Variants in CETP observed in about 807,000 individuals in gnomAD.
CETP encodes cholesteryl ester transfer protein.
Under a neutral mutation model 66.5 loss-of-function variants are expected in CETP, and 56 were observed. The ratio of observed to expected loss-of-function variants is 0.84; its 90% CI spans 0.68 to 1.05. The LOEUF (loss-of-function observed/expected upper bound fraction) is 1.05. CETP is among the 50% of genes least tolerant of loss of function. CETP has a pLI of 0.00. For synonymous variants in CETP, 251 were observed against 245.7 expected, an observed-to-expected ratio of 1.02 and a Z score of -0.20; for missense variants, 612 against 609.6, an observed-to-expected ratio of 1.00 and a Z score of -0.04.
chr16:56,963,121 A>C lies in CETP; in HGVS notation c.230A>C (p.His77Pro). 6.2e-7 allele frequency: 1 copy of C among 1,613,580 alleles called. No individual in the cohort carries two copies. Among genetic ancestry groups the C allele is most frequent in the Non-Finnish European group, 8.5e-7 (1 of 1,179,544 alleles). Residue 77 changes from histidine (H) to proline (P), a missense_variant, in exon 2 of 16, where the codon CAC (histidine) becomes CCC (proline). His to Pro is a moderately conservative substitution (Grantham distance 77). Transcript: ENST00000200676. ...MLLGQVKYGLHNIQISHLSIA... is the reference protein window; with the variant it reads ...MLLGQVKYGLPNIQISHLSIA... ...CTTGGCCAAGTCAAGTATGGGTTGCACAAGTGAGTCGGGCCTCGGGTGTGA... is the reference window on the plus strand; with the variant it reads ...CTTGGCCAAGTCAAGTATGGGTTGCCCAAGTGAGTCGGGCCTCGGGTGTGA...
intron 2 of CETP, among the ~76,000 whole-genome samples, chr16:56,966,852 T>G (rs928162169): frequency 6.0e-5 from 9 of 151,204 alleles, no homozygotes; most frequent in African/African-American, 2.2e-4. Flanking sequence ...TGACCTCAGA[T>G]GATCCACCTG....
chr16:56,963,606 G>T (rs1438967844), intron 2 of CETP, among the ~76,000 whole-genome samples: 1 of 152,070 alleles, frequency 6.6e-6, no homozygotes, highest in African/African-American at 2.4e-5. Flanking sequence ...AACAGTCAAG[G>T]GTCGGTTGTG....
At chr16:56,969,806 C>T in intron 4 of CETP, 108 bp from the exon 5 acceptor site, 2 of 1,537,548 alleles carry the variant, frequency 1.3e-6, no homozygotes, top group Admixed American at 1.8e-5. Flanking sequence ...GGGAAGTTTG[C>T]AGGGGTGGGG....
At chr16:56,969,001 G>A (rs1411085482) in intron 2 of CETP, among the ~76,000 whole-genome samples, 2 of 151,366 alleles carry the variant, frequency 1.3e-5, no homozygotes, top group African/African-American at 2.4e-5. Context: ...CTGTGAGCAC[G>A]GTTCCCTCCA....
At chr16:56,969,590 T>C (rs77315336) in intron 3 of CETP, 21 bp from the exon 4 acceptor site, 212 of 1,614,222 alleles carry the variant, frequency 1.3e-4, no homozygotes, top group Non-Finnish European at 1.7e-4. Flanking sequence ...ATGAGGGTCC[T>C]GGGTCCTTGG....
chr16:56,964,250 C>T (rs917692740), intron 2 of CETP, among the ~76,000 whole-genome samples: 1 of 152,124 alleles, frequency 6.6e-6, no homozygotes, highest in Non-Finnish European at 1.5e-5. Flanking sequence ...TGGTCTTAAA[C>T]TCCTGACCTC....
At chr16:56,968,889 T>C (rs1266025712) in intron 2 of CETP, among the ~76,000 whole-genome samples, 1 of 152,206 alleles carries the variant, frequency 6.6e-6, no homozygotes, top group Non-Finnish European at 1.5e-5. Flanking sequence ...GCTTTGGGCT[T>C]AGTTTGCCCT....
At chr16:56,966,593 T>G (rs544648369) in intron 2 of CETP, among the ~76,000 whole-genome samples, 1 of 152,066 alleles carries the variant, frequency 6.6e-6, no homozygotes, top group East Asian at 1.9e-4. Context: ...GTTTGTGGGT[T>G]TTTTTGTTTT....
chr16:56,976,652 ACT>A (rs1269177393), intron 10 of CETP, among the ~76,000 whole-genome samples: 3 of 146,502 alleles, frequency 2.0e-5, no homozygotes, highest in African/African-American at 7.6e-5. Context: ...TTTCTTCATC[ACT>A]CTCTCTTCCA....
At chr16:56,971,544 T>A (rs1315178432) in intron 7 of CETP, among the ~76,000 whole-genome samples, 163 bp downstream of exon 7, 2 of 152,208 alleles carry the variant, frequency 1.3e-5, no homozygotes, top group African/African-American at 4.8e-5. Flanking sequence ...CTTTGGCAAA[T>A]CTCTGCCCCT....
intron 15 of CETP, 86 bp downstream of exon 15, chr16:56,983,497 GAGAC>G (rs1437899222): frequency 4.4e-6 from 7 of 1,593,216 alleles, no homozygotes; most frequent in African/African-American, 2.7e-5. Flanking sequence ...GGCTGTTGGG[GAGAC>G]AGACAGAGGG....
intron 13 of CETP, among the ~76,000 whole-genome samples, chr16:56,981,915 C>A (rs1417316048): frequency 6.6e-6 from 1 of 152,200 alleles, no homozygotes; most frequent in Non-Finnish European, 1.5e-5. Context: ...CAGAACAGTA[C>A]TGGCCAAGCA....
intron 14 of CETP, among the ~76,000 whole-genome samples, chr16:56,982,871 T>C (rs2056198943): frequency 6.6e-6 from 1 of 152,048 alleles, no homozygotes. Flanking sequence ...CCTAGTGGGG[T>C]GTCTTGGCAT....
intron 9 of CETP, among the ~76,000 whole-genome samples, chr16:56,973,956 A>G (rs1320872915): frequency 6.6e-6 from 1 of 152,216 alleles, no homozygotes; most frequent in African/African-American, 2.4e-5. Context: ...AGAACAGGAC[A>G]GGGATTTTTA....
chr16:56,970,094 T>C, intron 5 of CETP, 93 bp downstream of exon 5: 3 of 1,249,586 alleles, frequency 2.4e-6, no homozygotes, highest in South Asian at 1.3e-5. Flanking sequence ...ACACAGGGCA[T>C]GCTTGTGGGT....
chr16:56,973,128 C>T lies in CETP; in HGVS notation c.751-203C>T, dbSNP rs187468344. Among the ~76,000 whole-genome samples, 804 of 152,330 alleles carry T rather than the reference C, an allele frequency of 5.3e-3. 4 individuals carry two copies. Among genetic ancestry groups the T allele is most frequent in the Middle Eastern group, 0.01 (3 of 294 alleles). On this transcript the variant is annotated intron_variant, in intron 8 of 15. Coordinates refer to ENST00000200676, the MANE Select transcript of CETP (RefSeq NM_000078.3). ...CCACGTCTGTCTGGTTCACTTCCCACGGTGGTTGAGACATAGTGGGCACTC... is the reference window on the plus strand; with the variant it reads ...CCACGTCTGTCTGGTTCACTTCCCATGGTGGTTGAGACATAGTGGGCACTC...
intron 2 of CETP, 90 bp downstream of exon 2, chr16:56,963,214 C>A: frequency 9.7e-7 from 1 of 1,030,846 alleles, no homozygotes; most frequent in Non-Finnish European, 1.5e-6. Context: ...GGAGGAAAGG[C>A]AGCAGCTGGG....
At chr16:56,973,539 G>T (rs289714) in intron 9 of CETP, 29 bp downstream of exon 9, 1 of 1,612,966 alleles carries the variant, frequency 6.2e-7, no homozygotes. Context: ...GCTGCTAGGG[G>T]ATCCAGATGG....
At chr16:56,968,305 C>T (rs1209931144) in intron 2 of CETP, among the ~76,000 whole-genome samples, 1 of 152,104 alleles carries the variant, frequency 6.6e-6, no homozygotes, top group Admixed American at 6.6e-5. Context: ...CCTGCCTTAG[C>T]CTCCAAACTA....
Sources: allele counts gnomAD v4.1 joint callset (sites outside exome capture counted in the v4.1 genomes callset), GRCh38; gene constraint gnomAD v4.1.1; transcripts MANE v1.5; gene names NCBI Gene and HGNC (gene_info 2026-07-23, HGNC 2026-07-21).